The following CACNA2D1 variants were observed in gnomAD, a reference collection of about 807,000 sequenced individuals.
CACNA2D1 encodes the protein voltage-dependent calcium channel subunit alpha-2/delta-1.
A neutral mutation model predicts 171.5 loss-of-function variants in CACNA2D1; 53 were observed. The observed-to-expected ratio is 0.31, with a 90% CI of 0.25 to 0.39. The LOEUF (loss-of-function observed/expected upper bound fraction) is 0.39, where lower values mean the gene tolerates loss of function less well. Among genes scored for constraint, CACNA2D1 ranks in the 10% least tolerant of loss-of-function variants. CACNA2D1 has a pLI of 1.00. For synonymous variants in CACNA2D1, 442 were observed against 443.1 expected, an observed-to-expected ratio of 1.00 and a Z score of 0.03; for missense variants, 903 against 1,299.8, an observed-to-expected ratio of 0.69 and a Z score of 4.69.
At chr7:82,304,839 G>C (rs1487900147) in intron 3 of CACNA2D1, among the ~76,000 whole-genome samples, 2 of 152,078 alleles carry the variant, frequency 1.3e-5, no homozygotes, top group Non-Finnish European at 2.9e-5. Flanking sequence ...ACAATGTATT[G>C]TATATCTCGA....
intron 3 of CACNA2D1, among the ~76,000 whole-genome samples, chr7:82,291,660 T>C (rs1563320263): frequency 3.7e-5 from 5 of 134,646 alleles, no homozygotes; most frequent in Non-Finnish European, 6.0e-5. Flanking sequence ...CATATATATA[T>C]ATTTTTTTTT....
intron 3 of CACNA2D1, among the ~76,000 whole-genome samples, chr7:82,292,882 A>G (rs943000875): frequency 5.9e-5 from 9 of 152,114 alleles, no homozygotes; most frequent in Non-Finnish European, 1.2e-4. Context: ...AATATATGAG[A>G]ATCACAAATA....
chr7:82,239,286 C>T lies in CACNA2D1; in HGVS notation c.295-68677G>A, dbSNP rs776113427. 5.5e-4 allele frequency among the ~76,000 whole-genome samples: 83 copies of T among 151,146 alleles called. 1 individual carries two copies. Among genetic ancestry groups the T allele is most frequent in the Admixed American group, 2.8e-3 (43 of 15,150 alleles). The stretch of plus-strand genomic sequence containing the variant: ...AATAAAGCTATATATGGAACCAATA[C>T]GATAAATTTGGTGGTGTACTGTTCT... On this transcript the variant is annotated intron_variant, in intron 3 of 38. Transcript: ENST00000356860.
At position 82,335,197 on chromosome 7, in the gene CACNA2D1, G is replaced by A. The variant is rs1483019132; in HGVS notation, c.232C>T (p.Leu78=). Residue 78 remains leucine (L), a synonymous_variant, in exon 3 of 39, where the codon CTG becomes TTG. Coordinates refer to ENST00000356860, the MANE Select transcript of CACNA2D1 (RefSeq NM_000722.4). ...ATATCCCTGGCTGCAATTTCTACCA[G>A]CTGGCGTGCATTATTTGGTTCCACA... ...YTVEPNNARQ[L]VEIAARDIEK... is the part of the protein sequence containing the mutation. 6.2e-7 allele frequency: 1 copy of A among 1,613,226 alleles called. No homozygotes were observed. The highest frequency in any genetic ancestry group is 8.5e-7 in the Non-Finnish European group (1 of 1,179,430).
At chr7:82,130,153 T>G (rs1003115461) in intron 5 of CACNA2D1, among the ~76,000 whole-genome samples, 4 of 152,198 alleles carry the variant, frequency 2.6e-5, no homozygotes, top group Non-Finnish European at 2.9e-5. Flanking sequence ...AAAGAAAGTT[T>G]GAGTGATTAC....
At position 82,435,135 on chromosome 7, in the gene CACNA2D1, A is replaced by G. The variant is rs947585807; in HGVS notation, c.95+8230T>C. Among the ~76,000 whole-genome samples the G allele has an allele frequency of 2.0e-5, 3 of 148,100 alleles. No homozygotes were observed. The Admixed American group carries it at 2.1e-4, about 10-fold the overall frequency. On this transcript the variant is annotated intron_variant, in intron 1 of 38. Transcript: ENST00000356860. ...ACTGCAACATCCGCCTCCCGGGTTC[A>G]AGTGATTCCCCTGCCTCAGCCTCCT...
intron 3 of CACNA2D1, among the ~76,000 whole-genome samples, chr7:82,304,058 G>A (rs1186336559): frequency 6.6e-6 from 1 of 151,492 alleles, no homozygotes; most frequent in African/African-American, 2.4e-5. Context: ...CTCAAAAGGA[G>A]ACATACAAAT....
Position 82,360,541 on chromosome 7 carries a change from A to G in CACNA2D1, c.96-10892T>C, listed in dbSNP as rs553175477. Among the ~76,000 whole-genome samples the G allele has an allele frequency of 2.6e-5, 4 of 152,334 alleles. No individual in the cohort carries two copies. The East Asian group carries it at 7.7e-4, about 29-fold the overall frequency. On this transcript the variant is annotated intron_variant, in intron 1 of 38. Coordinates refer to ENST00000356860, the MANE Select transcript of CACNA2D1 (RefSeq NM_000722.4). The stretch of plus-strand genomic sequence containing the variant: ...CAAGACATCCTCAGTGTTATGCATT[A>G]GGTCCACAGCAATTGATTCTGATAT...
intron 1 of CACNA2D1, among the ~76,000 whole-genome samples, chr7:82,427,603 A>G (rs1829306712): frequency 6.6e-6 from 1 of 152,164 alleles, no homozygotes; most frequent in African/African-American, 2.4e-5. Context: ...TTTTACATGA[A>G]TATTTTTAAT....
intron 1 of CACNA2D1, among the ~76,000 whole-genome samples, chr7:82,432,879 C>T (rs1829814084): frequency 6.6e-6 from 1 of 152,164 alleles, no homozygotes; most frequent in East Asian, 1.9e-4. Context: ...CCACAAGCAC[C>T]ACACACTTAA....
chr7:82,373,906 A>G (rs1822711212), intron 1 of CACNA2D1, among the ~76,000 whole-genome samples: 1 of 152,240 alleles, frequency 6.6e-6, no homozygotes, highest in Admixed American at 6.5e-5. Context: ...CAAGTGTACG[A>G]AAAAAGTAAA....
intron 36 of CACNA2D1, among the ~76,000 whole-genome samples, chr7:81,960,533 G>C (rs1283568771): frequency 6.6e-6 from 1 of 151,950 alleles, no homozygotes; most frequent in African/African-American, 2.4e-5. Flanking sequence ...TCTTACTTTA[G>C]TAACCAACAT....
intron 6 of CACNA2D1, among the ~76,000 whole-genome samples, chr7:82,090,133 G>T (rs1331963597): frequency 6.6e-6 from 1 of 151,916 alleles, no homozygotes; most frequent in African/African-American, 2.4e-5. Context: ...GGAAGTTGGG[G>T]GAATTAATTT....
At chr7:82,350,643 C>T (rs752888687) in intron 1 of CACNA2D1, among the ~76,000 whole-genome samples, 1 of 152,026 alleles carries the variant, frequency 6.6e-6, no homozygotes, top group East Asian at 1.9e-4. Flanking sequence ...CCAGCTCGGG[C>T]GACAGAGTGA....
chr7:82,351,221 T>C (rs1819808413), intron 1 of CACNA2D1, among the ~76,000 whole-genome samples: 1 of 151,926 alleles, frequency 6.6e-6, no homozygotes, highest in African/African-American at 2.4e-5. Flanking sequence ...CTTCTCTTCC[T>C]TAGGGAAGAA....
chr7:82,310,433 A>T (rs964187802), intron 3 of CACNA2D1, among the ~76,000 whole-genome samples: 1 of 152,022 alleles, frequency 6.6e-6, no homozygotes, highest in African/African-American at 2.4e-5. Flanking sequence ...CTAAATGGGC[A>T]TAGAAAGTTG....
At chr7:81,994,263 C>A (rs568122688) in intron 20 of CACNA2D1, among the ~76,000 whole-genome samples, 1 of 152,184 alleles carries the variant, frequency 6.6e-6, no homozygotes, top group East Asian at 1.9e-4. Context: ...AATCCTCTGA[C>A]TGATAATAGA....
At position 82,060,211 on chromosome 7, in the gene CACNA2D1, A is replaced by ATATT. The variant is rs374742133; in HGVS notation, c.879+216_879+217insAATA. ...TATATTATATATATATTATATATATAATATATATATAATATATATATATAA... is the reference window on the plus strand; with the variant it reads ...TATATTATATATATATTATATATATATATTATATATATATAATATATATATATAA... On this transcript the variant is annotated intron_variant, in intron 10 of 38. Coordinates refer to ENST00000356860, the MANE Select transcript of CACNA2D1 (RefSeq NM_000722.4). Among the ~76,000 whole-genome samples, 6 of 31,332 alleles carry ATATT rather than the reference A, an allele frequency of 1.9e-4. 2 individuals are homozygous for ATATT. Among genetic ancestry groups the ATATT allele is most frequent in the African/African-American group, 3.2e-4 (3 of 9,506 alleles). The allele number at this position is 31,332 out of a possible 152,430, so 20.6% of individuals were successfully genotyped here.
At chr7:82,408,768 C>T (rs1827338746) in intron 1 of CACNA2D1, among the ~76,000 whole-genome samples, 2 of 152,202 alleles carry the variant, frequency 1.3e-5, no homozygotes, top group Admixed American at 6.5e-5. Flanking sequence ...TACCATTTTA[C>T]ATAAGCACCG....
Sources: gnomAD v4.1 joint callset for allele counts (sites outside exome capture counted in the v4.1 genomes callset) on GRCh38, gnomAD v4.1.1 for gene constraint, MANE v1.5 for transcripts, NCBI Gene and HGNC (gene_info 2026-07-23, HGNC 2026-07-21) for gene names.